The following VPS8 variants were observed in gnomAD, a reference collection of about 807,000 sequenced individuals.
VPS8 encodes the protein vacuolar protein sorting-associated protein 8 homolog.
In VPS8, 129 loss-of-function variants were observed where a neutral mutation model predicts 216.4. The ratio of observed to expected loss-of-function variants is 0.60; its 90% CI spans 0.52 to 0.69. The LOEUF (loss-of-function observed/expected upper bound fraction) is 0.69, where lower values mean the gene tolerates loss of function less well. Ranked by LOEUF, VPS8 falls within the 30% of genes least tolerant of loss-of-function variation. VPS8 has a pLI of 0.00. For missense variants in VPS8, 1,531 were observed against 1,683.5 expected (o/e 0.91, Z 1.59); for synonymous variants, 571 against 565.4 (o/e 1.01, Z -0.14).
chr3:185,006,187 C>A (rs543969253), intron 45 of VPS8, among the ~76,000 whole-genome samples: 1 of 152,012 alleles, frequency 6.6e-6, no homozygotes, highest in African/African-American at 2.4e-5. Flanking sequence ...TCTCTGTGTC[C>A]TTTGATTTTC....
chr3:184,903,330 A>C (rs1214846218), intron 25 of VPS8, among the ~76,000 whole-genome samples: 3 of 152,132 alleles, frequency 2.0e-5, no homozygotes, highest in East Asian at 3.8e-4. Flanking sequence ...AAAAAAGCTC[A>C]TTTGATTTTC....
chr3:184,999,355 A>G (rs989508759), intron 44 of VPS8, among the ~76,000 whole-genome samples: 5 of 152,192 alleles, frequency 3.3e-5, no homozygotes, highest in Non-Finnish European at 5.9e-5. Flanking sequence ...CACCACGCCC[A>G]GCCCCCAGTT....
intron 17 of VPS8, 79 bp downstream of exon 17, chr3:184,867,029 G>T: frequency 7.7e-7 from 1 of 1,296,876 alleles, no homozygotes; most frequent in Non-Finnish European, 1.1e-6. Flanking sequence ...GGTAAAGAGG[G>T]CAGTATATTG....
chr3:184,914,324 T>G (rs895201162), intron 26 of VPS8, among the ~76,000 whole-genome samples: 8 of 152,220 alleles, frequency 5.3e-5, no homozygotes. Context: ...AGTCTAACAT[T>G]GAAAATTGTA....
intron 8 of VPS8, among the ~76,000 whole-genome samples, chr3:184,843,766 C>T (rs748896776): frequency 1.3e-5 from 2 of 152,326 alleles, no homozygotes; most frequent in East Asian, 1.9e-4. Flanking sequence ...TTTTCTAAAT[C>T]ATCCCATTTA....
intron 45 of VPS8, among the ~76,000 whole-genome samples, chr3:185,018,883 A>G (rs1275060447): frequency 6.6e-6 from 1 of 152,186 alleles, no homozygotes; most frequent in Non-Finnish European, 1.5e-5. Context: ...TCGAACAGTC[A>G]CTGGGGCAAC....
At chr3:184,950,783 G>A (rs947688123) in intron 36 of VPS8, among the ~76,000 whole-genome samples, 15 of 151,928 alleles carry the variant, frequency 9.9e-5, no homozygotes, top group Admixed American at 7.2e-4. Context: ...TGTTCTCATC[G>A]TTCAGCTCCC....
chr3:184,979,640 T>C (rs544781819), intron 40 of VPS8, among the ~76,000 whole-genome samples: 1 of 152,286 alleles, frequency 6.6e-6, no homozygotes, highest in South Asian at 2.1e-4. Context: ...TTTTATTTTT[T>C]TGTTTGCTTG....
intron 28 of VPS8, among the ~76,000 whole-genome samples, chr3:184,917,830 A>G (rs1440516958): frequency 1.3e-5 from 2 of 152,258 alleles, no homozygotes; most frequent in Non-Finnish European, 2.9e-5. Flanking sequence ...TTGAGCTGCT[A>G]TAACAAAATG....
At chr3:184,888,638 T>C (rs1731754642) in intron 22 of VPS8, among the ~76,000 whole-genome samples, 1 of 152,340 alleles carries the variant, frequency 6.6e-6, no homozygotes, top group Admixed American at 6.5e-5. Flanking sequence ...GAAAATGTTA[T>C]CCTCATTTTC....
chr3:185,022,120 T>A (rs912023198), intron 45 of VPS8, among the ~76,000 whole-genome samples: 6 of 152,116 alleles, frequency 3.9e-5, no homozygotes, highest in Admixed American at 3.3e-4. Context: ...GTGAGTGAGC[T>A]CTCATGAGAT....
intron 22 of VPS8, chr3:184,893,219 T>C: frequency 7.9e-7 from 1 of 1,264,296 alleles, no homozygotes; most frequent in African/African-American, 1.5e-5. Flanking sequence ...CTGTTTTCCA[T>C]CTGTCCCCTT....
chr3:184,994,319 T>C (rs1289819167), intron 43 of VPS8, among the ~76,000 whole-genome samples: 2 of 151,842 alleles, frequency 1.3e-5, no homozygotes, highest in Non-Finnish European at 2.9e-5. Context: ...CCAGGCAACA[T>C]AGCAAGACTC....
intron 43 of VPS8, among the ~76,000 whole-genome samples, chr3:184,995,530 A>G (rs983753302): frequency 2.0e-5 from 3 of 152,222 alleles, no homozygotes; most frequent in Non-Finnish European, 4.4e-5. Flanking sequence ...AACCAAAAGT[A>G]TTGCATTACA....
intron 21 of VPS8, among the ~76,000 whole-genome samples, chr3:184,885,115 C>T (rs952358228): frequency 6.6e-6 from 1 of 152,120 alleles, no homozygotes; most frequent in African/African-American, 2.4e-5. Flanking sequence ...CCCTATAATC[C>T]TTTTAGGATT....
intron 21 of VPS8, among the ~76,000 whole-genome samples, chr3:184,875,987 C>T (rs894471025): frequency 7.3e-5 from 11 of 149,920 alleles, no homozygotes; most frequent in Non-Finnish European, 1.3e-4. Flanking sequence ...AAGACCCTGT[C>T]TCAAAAAAAA....
intron 21 of VPS8, among the ~76,000 whole-genome samples, chr3:184,871,170 G>A (rs1394436020): frequency 1.3e-5 from 2 of 151,332 alleles, no homozygotes; most frequent in Non-Finnish European, 2.9e-5. Flanking sequence ...TCTCCTAGGA[G>A]CACCTATGAC....
At chr3:184,974,482 A>G (rs572275879) in intron 40 of VPS8, among the ~76,000 whole-genome samples, 9 of 152,228 alleles carry the variant, frequency 5.9e-5, no homozygotes, top group African/African-American at 1.9e-4. Context: ...CTAGTTTGCA[A>G]ATATTATCTC....
intron 26 of VPS8, among the ~76,000 whole-genome samples, chr3:184,913,986 G>A (rs576433946): frequency 1.3e-5 from 2 of 152,334 alleles, no homozygotes; most frequent in Non-Finnish European, 2.9e-5. Context: ...ATGAGGGCAA[G>A]AGACTTGTTC....
Sources: gnomAD v4.1 joint callset for allele counts (sites outside exome capture counted in the v4.1 genomes callset) on GRCh38, gnomAD v4.1.1 for gene constraint, MANE v1.5 for transcripts, NCBI Gene and HGNC (gene_info 2026-07-23, HGNC 2026-07-21) for gene names.